Variants in CLPSL1 observed in about 807,000 individuals in gnomAD.
CLPSL1 encodes colipase-like protein 1.
In CLPSL1, 13 loss-of-function variants were observed where a neutral mutation model predicts 9.3. The observed-to-expected ratio is 1.40, with a 90% confidence interval of 0.91 to 2.22. CLPSL1 has a LOEUF of 2.22. Among genes scored for constraint, CLPSL1 ranks in the 30% most tolerant of loss-of-function variants. CLPSL1 has a pLI of 0.00. For synonymous variants in CLPSL1, 58 were observed against 56.9 expected (o/e 1.02, Z -0.08); for missense variants, 164 against 146.6 (o/e 1.12, Z -0.61).
At chr6:35,793,525 T>A (rs549264936) in exon 2 of CLPSL1, 17 of 471,704 alleles carry the variant, frequency 3.6e-5, no homozygotes, top group Non-Finnish European at 7.5e-5. Context: ...TCGAATACGG[T>A]GAGAACGTGA....
Position 35,787,097 on chromosome 6 carries a change from G to C in CLPSL1, c.199G>C (p.Glu67Gln). Residue 67 changes from glutamate (E) to glutamine (Q), a missense_variant, in exon 2 of 3, where the codon GAG becomes CAG. Physicochemically the swap from Glu to Gln is conservative, Grantham distance 29. Coordinates refer to ENST00000373861, the MANE Select transcript of CLPSL1 (RefSeq NM_001010886.5). ...GTCGCACTGCGCGGAGAAGGGGTCCGAGGGCAGTCTGTGTCAAACGCAGGT... is the reference window on the plus strand; with the variant it reads ...GTCGCACTGCGCGGAGAAGGGGTCCCAGGGCAGTCTGTGTCAAACGCAGGT... ...CESHCAEKGS[E>Q]GSLCQTQVFF... 1 of 1,611,462 alleles carries C rather than the reference G, an allele frequency of 6.2e-7. No individual in the cohort carries two copies. The highest frequency in any genetic ancestry group is 8.5e-7 in the Non-Finnish European group (1 of 1,179,474).
At chr6:35,781,236 C>T (rs1450008922) in intron 1 of CLPSL1, 27 bp downstream of exon 1, 2 of 1,610,600 alleles carry the variant, frequency 1.2e-6, no homozygotes, top group East Asian at 2.2e-5. Context: ...GTGCAGTCAC[C>T]TCCCCCTCCA....
chr6:35,787,750 T>C lies in CLPSL1; in HGVS notation c.223-117T>C, dbSNP rs933791464. On this transcript the variant is annotated intron_variant, in intron 2 of 2. Coordinates refer to ENST00000373861, the MANE Select transcript of CLPSL1 (RefSeq NM_001010886.5). The stretch of plus-strand genomic sequence containing the variant: ...TCTGAGCAGCTGGCAAGCTATCATT[T>C]ATCCCTGGATCCTGGCTGTGGGCAA... 8 of 987,198 alleles carry C rather than the reference T, an allele frequency of 8.1e-6. No homozygotes were observed. The Admixed American group carries it at 1.4e-4, about 17-fold the overall frequency. 61.2% of individuals were successfully genotyped at this position (987,198 alleles called of 1,614,324 possible).
chr6:35,791,678 C>T (rs146189846), downstream of CLPSL1, among the ~76,000 whole-genome samples: 2,113 of 151,880 alleles, frequency 0.014, 14 homozygotes, highest in African/African-American at 0.035. Context: ...TGCCTGTAAT[C>T]CCAGCACTTT....
At chr6:35,790,174 A>C (rs1268555319), downstream of CLPSL1, among the ~76,000 whole-genome samples, 1 of 152,238 alleles carries the variant, frequency 6.6e-6, no homozygotes, top group African/African-American at 2.4e-5. Flanking sequence ...GGCCTCAAGC[A>C]ATCCTGCCTC....
intron 1 of CLPSL1, among the ~76,000 whole-genome samples, chr6:35,786,228 C>T (rs531702911): frequency 1.4e-3 from 219 of 152,126 alleles, no homozygotes; most frequent in Non-Finnish European, 2.3e-3. Context: ...TACCAGCCTG[C>T]GCGATGGAAG....
At chr6:35,784,883 T>C (rs1343175669) in intron 1 of CLPSL1, among the ~76,000 whole-genome samples, 1 of 152,052 alleles carries the variant, frequency 6.6e-6, no homozygotes, top group Non-Finnish European at 1.5e-5. Context: ...GGAGTGGAAG[T>C]TTATTAAAAA....
rs1185440808 is a variant in CLPSL1, at chr6:35,787,921, T to C, written c.277T>C (p.Tyr93His). 5 of 1,610,436 alleles carry C rather than the reference T, an allele frequency of 3.1e-6. No homozygotes were observed. The Admixed American group carries it at 6.7e-5, about 21-fold the overall frequency. The change falls in exon 3 of 3, where the codon TAT (tyrosine) becomes CAT (histidine). Residue 93 changes from tyrosine (Y) to histidine (H), a missense_variant. Physicochemically the swap from Tyr to His is moderately conservative, Grantham distance 83 (BLOSUM62 2). Coordinates refer to ENST00000373861, the MANE Select transcript of CLPSL1 (RefSeq NM_001010886.5). ...CPCLRNLTCI[Y>H]SKNEKWLSIA... is the part of the protein sequence containing the mutation. The stretch of plus-strand genomic sequence containing the variant: ...CTGCCTGCGGAACCTGACTTGTATA[T>C]ATTCAAAGAATGAGAAATGGCTTAG...
downstream of CLPSL1, among the ~76,000 whole-genome samples, chr6:35,788,528 A>G (rs1216583956): frequency 1.3e-5 from 2 of 152,292 alleles, no homozygotes; most frequent in Non-Finnish European, 2.9e-5. Flanking sequence ...TGCCTTATGC[A>G]CATGATCTCA....
downstream of CLPSL1, among the ~76,000 whole-genome samples, chr6:35,790,393 A>G (rs1474497588): frequency 6.6e-6 from 1 of 152,288 alleles, no homozygotes; most frequent in East Asian, 1.9e-4. Context: ...TGACATGACT[A>G]AACTGGTTCC....
intron 2 of CLPSL1, 98 bp downstream of exon 2, chr6:35,787,218 G>C (rs536070448): frequency 7.2e-7 from 1 of 1,388,996 alleles, no homozygotes; most frequent in Non-Finnish European, 9.9e-7. Flanking sequence ...GTAGGTGGGC[G>C]GAAATGCCCT....
At chr6:35,790,302 T>G (rs1303539813), downstream of CLPSL1, among the ~76,000 whole-genome samples, 4 of 152,262 alleles carry the variant, frequency 2.6e-5, no homozygotes, top group Non-Finnish European at 5.9e-5. Flanking sequence ...ACAAAGTTGT[T>G]AATTTTTTTA....
chr6:35,787,145 C>T, intron 2 of CLPSL1, 25 bp downstream of exon 2: 4 of 1,609,094 alleles, frequency 2.5e-6, no homozygotes, highest in Middle Eastern at 3.3e-4. Context: ...CCGGGGGGAG[C>T]CAGAGGGGAT....
Position 35,781,227 on chromosome 6 carries a change from T to G in CLPSL1, c.99+18T>G, listed in dbSNP as rs756981011. ...ACCTTTTGGTAAGAAAGCTGGAGAG[T>G]GCAGTCACCTCCCCCTCCACTGTCC... On this transcript the variant is annotated intron_variant, in intron 1 of 2. Coordinates refer to ENST00000373861, the MANE Select transcript of CLPSL1 (RefSeq NM_001010886.5). 4.9e-5 allele frequency: 79 copies of G among 1,611,796 alleles called. No individual in the cohort carries two copies. In the South Asian group the frequency reaches 8.4e-4, roughly 17 times the overall value.
intron 1 of CLPSL1, among the ~76,000 whole-genome samples, chr6:35,784,058 G>GT (rs1303012114): frequency 4.6e-5 from 7 of 151,292 alleles, no homozygotes; most frequent in Non-Finnish European, 8.8e-5. Flanking sequence ...CTTTTTTTTT[G>GT]TTTTTTGTTT....
intron 1 of CLPSL1, among the ~76,000 whole-genome samples, chr6:35,786,094 G>A (rs997728781): frequency 4.6e-5 from 7 of 151,946 alleles, no homozygotes; most frequent in African/African-American, 1.7e-4. Flanking sequence ...GCGAAACCCC[G>A]TCTCTACTAA....
chr6:35,787,124 G>C lies in CLPSL1; in HGVS notation c.222+4G>C. ...GGGCAGTCTGTGTCAAACGCAGGTG[G>C]GTATCGCCGCCCGGGGGGAGCCAGA... On this transcript the variant is annotated splice_donor_region_variant and intron_variant, in intron 2 of 2. Coordinates refer to ENST00000373861, the MANE Select transcript of CLPSL1 (RefSeq NM_001010886.5). The C allele has an allele frequency of 2.5e-6, 4 of 1,611,682 alleles. No homozygotes were observed. The highest frequency in any genetic ancestry group is 3.4e-6 in the Non-Finnish European group (4 of 1,179,494).
At chr6:35,792,904 A>AT (rs1349949527), downstream of CLPSL1, among the ~76,000 whole-genome samples, 1 of 152,258 alleles carries the variant, frequency 6.6e-6, no homozygotes, top group Non-Finnish European at 1.5e-5. Flanking sequence ...TGAGCACATA[A>AT]TTCATATGTG....
rs1243944368 is a variant in CLPSL1, at chr6:35,781,159, C to G, written c.49C>G (p.Leu17Val). ...LLLLFLLFFF[L>V]FLLTRGSLSP... The stretch of plus-strand genomic sequence containing the variant: ...GCTGCTGTTCCTTCTCTTCTTCTTT[C>G]TCTTCCTCCTCACCAGGGGCTCACT... The change falls in exon 1 of 3, where the codon CTC becomes GTC. Residue 17 changes from leucine to valine, a missense_variant. Coordinates refer to ENST00000373861, the MANE Select transcript of CLPSL1 (RefSeq NM_001010886.5). 6.2e-7 allele frequency: 1 copy of G among 1,614,074 alleles called. No homozygotes were observed. The highest frequency in any genetic ancestry group is 2.2e-5 in the East Asian group (1 of 44,880).
Sources: allele counts gnomAD v4.1 joint callset (sites outside exome capture counted in the v4.1 genomes callset), GRCh38; gene constraint gnomAD v4.1.1; transcripts MANE v1.5; gene names NCBI Gene and HGNC (gene_info 2026-07-23, HGNC 2026-07-21).